Variants in ZNF827 observed in about 807,000 individuals in gnomAD.
The protein encoded by ZNF827 is zinc finger protein 827.
A neutral mutation model predicts 102.4 loss-of-function variants in ZNF827; 13 were observed. The observed-to-expected ratio is 0.13, with a 90% confidence interval of 0.08 to 0.20. The LOEUF (loss-of-function observed/expected upper bound fraction) is 0.20. ZNF827 is among the 10% of genes least tolerant of loss of function. ZNF827 has a pLI of 1.00. For synonymous variants in ZNF827, 523 were observed against 536.2 expected (o/e 0.98, Z 0.34); for missense variants, 1,103 against 1,344.4 (o/e 0.82, Z 2.81).
At chr4:145,852,397 C>G (rs771734389) in intron 5 of ZNF827, among the ~76,000 whole-genome samples, 14 of 152,150 alleles carry the variant, frequency 9.2e-5, no homozygotes, top group Non-Finnish European at 1.5e-4. Context: ...AACCCTTGCC[C>G]TTTCAAGAAT....
chr4:145,877,915 T>C (rs538400333), intron 4 of ZNF827, among the ~76,000 whole-genome samples: 6 of 152,282 alleles, frequency 3.9e-5, no homozygotes, highest in Middle Eastern at 3.4e-3. Context: ...ATTCCCACTA[T>C]TAACACGGCC....
chr4:145,785,336 G>C (rs567771502), intron 8 of ZNF827, among the ~76,000 whole-genome samples: 4 of 152,194 alleles, frequency 2.6e-5, no homozygotes, highest in Non-Finnish European at 5.9e-5. Flanking sequence ...GTCCTGGGAA[G>C]ATGAAACCCA....
chr4:145,903,631 G>A (rs1751601644), intron 1 of ZNF827, among the ~76,000 whole-genome samples: 2 of 152,164 alleles, frequency 1.3e-5, no homozygotes, highest in African/African-American at 4.8e-5. Context: ...CAGACCGTGA[G>A]ACACAGACAG....
chr4:145,782,247 G>A (rs1313092134), intron 8 of ZNF827, among the ~76,000 whole-genome samples: 1 of 152,236 alleles, frequency 6.6e-6, no homozygotes, highest in Non-Finnish European at 1.5e-5. Context: ...CCCAGAACAT[G>A]ACCTCGAAAT....
chr4:145,935,735 C>G (rs552851165), intron 1 of ZNF827, among the ~76,000 whole-genome samples: 38 of 152,238 alleles, frequency 2.5e-4, no homozygotes, highest in South Asian at 6.2e-4. Flanking sequence ...GAAAATATAA[C>G]TTCATCACCA....
chr4:145,936,862 T>A (rs1315702834), intron 1 of ZNF827, among the ~76,000 whole-genome samples: 1 of 151,780 alleles, frequency 6.6e-6, no homozygotes, highest in Non-Finnish European at 1.5e-5. Context: ...CAGCCCGGGT[T>A]TTGCAGGATC....
At position 145,849,462 on chromosome 4, in the gene ZNF827, A is replaced by G. The variant is rs1319107065; in HGVS notation, c.2081T>C (p.Val694Ala). 1 of 1,614,180 alleles carries G rather than the reference A, an allele frequency of 6.2e-7. No individual in the cohort carries two copies. Among genetic ancestry groups the G allele is most frequent in the Non-Finnish European group, 8.5e-7 (1 of 1,180,032 alleles). Residue 694 changes from valine to alanine, a missense_variant, in exon 6 of 15, where the codon GTT (valine) becomes GCT (alanine). By Grantham distance (64) the Val-to-Ala change is moderately conservative. Transcript: ENST00000508784. The part of the protein sequence containing the change: ...SHVSISPSRN[V>A]GYSTLIGREK... ...TCGCCCGATTAAAGTGCTGTAGCCA[A>G]CATTCCGGCTGGGTGATATCGAGAC...
At chr4:145,846,501 C>CAAA (rs1553997227) in intron 6 of ZNF827, among the ~76,000 whole-genome samples, 1 of 142,130 alleles carries the variant, frequency 7.0e-6, no homozygotes, top group African/African-American at 2.7e-5. Flanking sequence ...AACAAAAAAA[C>CAAA]ACAACAACAA....
chr4:145,872,587 C>A (rs533393726), intron 4 of ZNF827, among the ~76,000 whole-genome samples: 1 of 152,218 alleles, frequency 6.6e-6, no homozygotes, highest in Admixed American at 6.5e-5. Context: ...ATTATGTTAA[C>A]AATTTATGGC....
At chr4:145,812,892 G>A (rs1412957258) in intron 8 of ZNF827, among the ~76,000 whole-genome samples, 1 of 152,104 alleles carries the variant, frequency 6.6e-6, no homozygotes, top group Admixed American at 6.6e-5. Flanking sequence ...CTGTGGTTTT[G>A]CTTTCTAAGA....
chr4:145,852,110 T>A (rs1158156962), intron 5 of ZNF827, among the ~76,000 whole-genome samples: 2 of 152,214 alleles, frequency 1.3e-5, no homozygotes, highest in Non-Finnish European at 2.9e-5. Flanking sequence ...TTGTAAGGCC[T>A]GGGGACAAAC....
intron 6 of ZNF827, 56 bp from the exon 7 acceptor site, chr4:145,846,069 A>G: frequency 6.4e-7 from 1 of 1,566,152 alleles, no homozygotes; most frequent in East Asian, 2.2e-5. Context: ...CTCAACTTGC[A>G]TCTTTTAGCC....
rs1421204600 is a variant in ZNF827 at position 145,938,415 on chromosome 4, C to T, written c.-8G>A. Reference sequence around the variant, plus strand: ...CTGCTTCCTCCTGGGCATTTTCCCCCTTTTCTCACATTCTCCTCCTTGGTT... The same window carrying T: ...CTGCTTCCTCCTGGGCATTTTCCCCTTTTTCTCACATTCTCCTCCTTGGTT... On this transcript the variant is annotated 5_prime_UTR_variant, in exon 1 of 15. Coordinates refer to ENST00000508784, the MANE Select transcript of ZNF827 (RefSeq NM_001306215.2). The T allele has an allele frequency of 1.9e-6, 3 of 1,610,762 alleles. No individual in the cohort carries two copies. Among genetic ancestry groups the T allele is most frequent in the East Asian group, 2.2e-5 (1 of 44,720 alleles).
intron 7 of ZNF827, among the ~76,000 whole-genome samples, chr4:145,844,005 C>G (rs1428715162): frequency 1.3e-5 from 2 of 152,160 alleles, no homozygotes; most frequent in African/African-American, 4.8e-5. Flanking sequence ...GGGGACTTAA[C>G]CTATAACACT....
chr4:145,781,524 CTG>C (rs1738054950), intron 8 of ZNF827, among the ~76,000 whole-genome samples: 1 of 152,184 alleles, frequency 6.6e-6, no homozygotes, highest in Non-Finnish European at 1.5e-5. Flanking sequence ...ACTGATTCAT[CTG>C]TGTTTGTTAA....
rs1304050799 is a variant in ZNF827 at position 145,761,469 on chromosome 4, C to T, written c.*147G>A. 7.0e-6 allele frequency: 9 copies of T among 1,289,722 alleles called. No individual in the cohort carries two copies. Among genetic ancestry groups the T allele is most frequent in the Middle Eastern group, 4.2e-4 (2 of 4,718 alleles). 79.9% of individuals were successfully genotyped at this position (1,289,722 alleles called of 1,614,324 possible). On this transcript the variant is annotated 3_prime_UTR_variant, in exon 15 of 15. Coordinates refer to ENST00000508784, the MANE Select transcript of ZNF827 (RefSeq NM_001306215.2). The surrounding 1 kb of genome is among the most constrained non-coding windows in gnomAD (Gnocchi z 6.8). ...TGCCCAGGCGGTGCTCCCGGGTGTG[C>T]GTCTCCAGCTCCAGCTGGTTGGCCT... is the stretch of plus-strand genomic sequence containing the variant.
chr4:145,836,695 T>C (rs1744876801), intron 7 of ZNF827, among the ~76,000 whole-genome samples: 1 of 151,978 alleles, frequency 6.6e-6, no homozygotes, highest in African/African-American at 2.4e-5. Context: ...AATTTCCTTC[T>C]TTCCTGTTCC....
At chr4:145,840,735 C>T (rs1283438214) in intron 7 of ZNF827, among the ~76,000 whole-genome samples, 2 of 152,188 alleles carry the variant, frequency 1.3e-5, no homozygotes, top group South Asian at 2.1e-4. Flanking sequence ...GAAAATTGTG[C>T]GAATTGAGGC....
chr4:145,936,750 A>G (rs1210872417), intron 1 of ZNF827, among the ~76,000 whole-genome samples: 1 of 151,998 alleles, frequency 6.6e-6, no homozygotes, highest in Non-Finnish European at 1.5e-5. Context: ...AGCCCGAGAC[A>G]CCATAACCTT....
Sources: allele counts gnomAD v4.1 joint callset (sites outside exome capture counted in the v4.1 genomes callset), GRCh38; gene constraint gnomAD v4.1.1; non-coding constraint Gnocchi (gnomAD v3.1); transcripts MANE v1.5; gene names NCBI Gene and HGNC (gene_info 2026-07-23, HGNC 2026-07-21).